ESR1: variants seen among roughly 807,000 people sequenced by gnomAD.
The protein encoded by ESR1 is estrogen receptor 1.
In ESR1, 12 loss-of-function variants were observed where a neutral mutation model predicts 52.7. The observed-to-expected ratio is 0.23, with a 90% confidence interval of 0.15 to 0.37. The LOEUF (loss-of-function observed/expected upper bound fraction) is 0.37. Ranked by LOEUF, ESR1 falls within the 10% of genes least tolerant of loss-of-function variation. The pLI is 1.00. For missense variants in ESR1, 584 were observed against 779.7 expected (o/e 0.75, Z 2.99); for synonymous variants, 305 against 316.8 (o/e 0.96, Z 0.39).
In ESR1 at chr6:151,807,951, C is replaced by T. The variant is rs1474043222; in HGVS notation, c.39C>T (p.Ala13=). 1.2e-6 allele frequency: 2 copies of T among 1,613,828 alleles called. No homozygotes were observed. Among genetic ancestry groups the T allele is most frequent in the African/African-American group, 2.7e-5 (2 of 74,920 alleles). ...MTLHTKASGM[A]LLHQIQGNEL... is the part of the protein sequence containing the mutation. ...TCCACACCAAAGCATCTGGGATGGC[C>T]CTACTGCATCAGATCCAAGGGAACG... is the stretch of plus-strand genomic sequence containing the variant. Residue 13 remains alanine (A), a synonymous_variant, in exon 1 of 8, where the codon GCC becomes GCT. Coordinates refer to ENST00000206249, the MANE Select transcript of ESR1 (RefSeq NM_000125.4).
At chr6:151,715,827 G>A (rs373101851) in intron 2 of ESR1, among the ~76,000 whole-genome samples, 5 of 152,002 alleles carry the variant, frequency 3.3e-5, no homozygotes, top group South Asian at 2.1e-4. Context: ...TTCTGAAGCC[G>A]GCTTCTGTCA....
chr6:151,840,128 A>G (rs1435326868), intron 1 of ESR1, among the ~76,000 whole-genome samples: 1 of 152,228 alleles, frequency 6.6e-6, no homozygotes, highest in African/African-American at 2.4e-5. Flanking sequence ...GCACTGAGCT[A>G]GATATAACAA....
At chr6:151,887,865 T>G (rs115875371) in intron 3 of ESR1, among the ~76,000 whole-genome samples, 1,607 of 152,294 alleles carry the variant, frequency 0.011, 19 homozygotes, top group African/African-American at 0.038. Context: ...GATTTTTGTA[T>G]ACGGCATGAG....
At chr6:151,925,059 T>A (rs1193890610) in intron 3 of ESR1, among the ~76,000 whole-genome samples, 1 of 152,160 alleles carries the variant, frequency 6.6e-6, no homozygotes, top group Non-Finnish European at 1.5e-5. Flanking sequence ...ATGGGTGAAC[T>A]AATTTACACT....
intron 3 of ESR1, among the ~76,000 whole-genome samples, chr6:151,934,782 G>T (rs2034148979): frequency 6.6e-6 from 1 of 152,196 alleles, no homozygotes; most frequent in South Asian, 2.1e-4. Context: ...ACCAGGATGT[G>T]TGCAATTTGT....
intron 2 of ESR1, among the ~76,000 whole-genome samples, chr6:151,773,476 A>C (rs1166521788): frequency 6.6e-6 from 1 of 152,214 alleles, no homozygotes; most frequent in Non-Finnish European, 1.5e-5. Context: ...GCCTTGTCAC[A>C]ATCTTCACTC....
chr6:151,792,582 G>A (rs1489600251), intron 2 of ESR1, among the ~76,000 whole-genome samples: 1 of 152,030 alleles, frequency 6.6e-6, no homozygotes, highest in East Asian at 1.9e-4. Context: ...TGGTACTGCA[G>A]ACGTACACTA....
chr6:151,795,888 G>T (rs1274994882), intron 2 of ESR1, among the ~76,000 whole-genome samples: 2 of 152,000 alleles, frequency 1.3e-5, no homozygotes, highest in South Asian at 2.1e-4. Context: ...GGTGGCTCAC[G>T]CCTGTAATCC....
chr6:151,707,209 T>C (rs2127993230), intron 2 of ESR1, among the ~76,000 whole-genome samples: 1 of 152,364 alleles, frequency 6.6e-6, no homozygotes, highest in Non-Finnish European at 1.5e-5. Context: ...GAATGCATAT[T>C]AATTTTAGCA....
intron 5 of ESR1, among the ~76,000 whole-genome samples, chr6:152,023,194 A>G (rs746860681): frequency 6.6e-6 from 1 of 152,144 alleles, no homozygotes; most frequent in Non-Finnish European, 1.5e-5. Flanking sequence ...GGGGTGGAAT[A>G]TTACAAAAAA....
At chr6:152,118,830 C>T (rs1289976708) in intron 6 of ESR1, among the ~76,000 whole-genome samples, 1 of 152,132 alleles carries the variant, frequency 6.6e-6, no homozygotes, top group African/African-American at 2.4e-5. Context: ...AGGTCCTCCC[C>T]GAGAGGACTC....
intron 2 of ESR1, among the ~76,000 whole-genome samples, chr6:151,874,620 A>G (rs1385182069): frequency 6.6e-6 from 1 of 152,256 alleles, no homozygotes; most frequent in Non-Finnish European, 1.5e-5. Context: ...CTGTTAAGCC[A>G]GGAGACGAGT....
chr6:151,671,818 C>G (rs1343499565), intron 1 of ESR1, among the ~76,000 whole-genome samples: 1 of 151,864 alleles, frequency 6.6e-6, no homozygotes, highest in Non-Finnish European at 1.5e-5. Flanking sequence ...ATAGTGAAAC[C>G]TCGTCTCTAC....
chr6:152,070,272 C>T (rs2128984328), intron 6 of ESR1, among the ~76,000 whole-genome samples: 1 of 137,300 alleles, frequency 7.3e-6, no homozygotes, highest in South Asian at 2.3e-4. Flanking sequence ...ACTAGAGGTG[C>T]AATCAGGCCA....
chr6:151,696,449 G>A (rs1779348401), intron 1 of ESR1, among the ~76,000 whole-genome samples: 1 of 150,768 alleles, frequency 6.6e-6, no homozygotes, highest in Non-Finnish European at 1.5e-5. Flanking sequence ...TCCAGCCTGG[G>A]AGACATAGAG....
chr6:151,908,715 G>A (rs2347867), intron 3 of ESR1, among the ~76,000 whole-genome samples: 79,439 of 151,862 alleles, frequency 0.52, 22,803 homozygotes, highest in Middle Eastern at 0.74. Flanking sequence ...CTGAGACAGC[G>A]CCAAATAAGG....
intron 2 of ESR1, among the ~76,000 whole-genome samples, chr6:151,876,679 C>G (rs766078872): frequency 6.6e-5 from 10 of 152,090 alleles, no homozygotes; most frequent in Non-Finnish European, 7.4e-5. Context: ...GGGGTGGGCC[C>G]GGTGATTCCT....
chr6:151,685,965 A>G (rs1337358050), upstream of ESR1, among the ~76,000 whole-genome samples: 3 of 151,976 alleles, frequency 2.0e-5, no homozygotes, highest in Non-Finnish European at 4.4e-5. Flanking sequence ...GTGCAGCGGC[A>G]CGAACGTGGC....
intron 1 of ESR1, among the ~76,000 whole-genome samples, chr6:151,820,069 C>A (rs1156426104): frequency 6.6e-6 from 1 of 152,030 alleles, no homozygotes; most frequent in Non-Finnish European, 1.5e-5. Flanking sequence ...AAAGAGACAG[C>A]CAGGAGCATT....
Sources: gnomAD v4.1 joint callset for allele counts (sites outside exome capture counted in the v4.1 genomes callset) on GRCh38, gnomAD v4.1.1 for gene constraint, MANE v1.5 for transcripts, NCBI Gene and HGNC (gene_info 2026-07-23, HGNC 2026-07-21) for gene names.